Variants in OR5B12 observed in about 807,000 individuals in gnomAD.
The protein encoded by OR5B12 is olfactory receptor family 5 subfamily B member 12.
For missense variants in OR5B12, 418 were observed against 377.0 expected (o/e 1.11, Z -0.90); for synonymous variants, 154 against 138.0 (o/e 1.12, Z -0.81).
At position 58,440,152 on chromosome 11, in the gene OR5B12, TG is replaced by T. The variant is rs1407846195; in HGVS notation, c.-2del. Reference sequence around the variant, plus strand: ...CAGTCACCTCTGTGTTGTTCTCCATTGGGAATTATGTAGCTGCCCTGTAGAA... The same window carrying T: ...CAGTCACCTCTGTGTTGTTCTCCATTGGAATTATGTAGCTGCCCTGTAGAA... On this transcript the variant is annotated 5_prime_UTR_variant, in exon 2 of 2. Transcript: ENST00000641921. 6.3e-7 allele frequency: 1 copy of T among 1,582,058 alleles called. No homozygotes were observed. The highest frequency in any genetic ancestry group is 8.6e-7 in the Non-Finnish European group (1 of 1,161,120).
chr11:58,442,217 T>C lies in OR5B12; in HGVS notation c.-191A>G, dbSNP rs1424824389. ...AGGCAGGGGGAAATTGAAAGAAAAA[T>C]GCTATTGGCTTTGGAATCAGCTAGC... is the stretch of plus-strand genomic sequence containing the variant. On this transcript the variant is annotated 5_prime_UTR_variant, in exon 1 of 2. Coordinates refer to ENST00000641921, the MANE Select transcript of OR5B12 (RefSeq NM_001004733.3). 6.6e-6 allele frequency: 1 copy of C among 152,168 alleles called. No homozygotes were observed. The highest frequency in any genetic ancestry group is 1.5e-5 in the Non-Finnish European group (1 of 68,018). 9.4% of individuals were successfully genotyped at this position (152,168 alleles called of 1,614,324 possible).
At position 58,440,089 on chromosome 11, in the gene OR5B12, C is replaced by T; in HGVS notation, c.63G>A (p.Leu21=). 2.5e-6 allele frequency: 4 copies of T among 1,613,814 alleles called. No homozygotes were observed. Among genetic ancestry groups the T allele is most frequent in the Non-Finnish European group, 3.4e-6 (4 of 1,179,826 alleles). The change falls in exon 2 of 2, where the codon CTG becomes CTA. Residue 21 remains leucine (L), a synonymous_variant. Coordinates refer to ENST00000641921, the MANE Select transcript of OR5B12 (RefSeq NM_001004733.3). ...GGAAGACTATGAAGAGTGGGATCTG[C>T]AGTTCTGGGTCATCAGTTAACCCCA... ...ILVGLTDDPE[L]QIPLFIVFLF...
Position 58,439,682 on chromosome 11 carries a change from T to C in OR5B12, c.470A>G (p.His157Arg), listed in dbSNP as rs1459301589. 6.2e-7 allele frequency: 1 copy of C among 1,614,086 alleles called. No homozygotes were observed. Among genetic ancestry groups the C allele is most frequent in the South Asian group, 1.1e-5 (1 of 91,072 alleles). Residue 157 changes from histidine to arginine, a missense_variant, in exon 2 of 2, where the codon CAT becomes CGT. Coordinates refer to ENST00000641921, the MANE Select transcript of OR5B12 (RefSeq NM_001004733.3). ...GGAGAGCCTGAAAGTGTTCCCAGTA[T>C]GAATGGATGCATTCAGGAAACCACA... ...YICGFLNASI[H>R]TGNTFRLSFC...
chr11:58,439,422 T>A lies in OR5B12; in HGVS notation c.730A>T (p.Thr244Ser). Residue 244 changes from threonine to serine, a missense_variant, in exon 2 of 2, where the codon ACT (threonine) becomes TCT (serine). Coordinates refer to ENST00000641921, the MANE Select transcript of OR5B12 (RefSeq NM_001004733.3). ...GTCCCATAAAAGATGGAAACTGCAGTAAGGTGGGAAGCACAAGTAGAAAAG... is the reference window on the plus strand; with the variant it reads ...GTCCCATAAAAGATGGAAACTGCAGAAAGGTGGGAAGCACAAGTAGAAAAG... ...KAFSTCASHLTAVSIFYGTGI... is the reference protein window; with the variant it reads ...KAFSTCASHLSAVSIFYGTGI... The A allele has an allele frequency of 6.2e-7, 1 of 1,613,878 alleles. No homozygotes were observed. The highest frequency in any genetic ancestry group is 8.5e-7 in the Non-Finnish European group (1 of 1,179,950).
chr11:58,440,014 C>T lies in OR5B12; in HGVS notation c.138G>A (p.Leu46=), dbSNP rs151299011. ...TLVGNLGMIE[L]ILLDSCLHTP... is the part of the protein sequence containing the mutation. ...TGTGGAGACAGGAGTCCAGTAGAAT[C>T]AATTCAATCATCCCCAGGTTCCCAA... Residue 46 remains leucine, a synonymous_variant, in exon 2 of 2, where the codon TTG becomes TTA. Coordinates refer to ENST00000641921, the MANE Select transcript of OR5B12 (RefSeq NM_001004733.3). 1.4e-5 allele frequency: 22 copies of T among 1,614,076 alleles called. No homozygotes were observed. In the East Asian group the frequency reaches 4.9e-4, roughly 36 times the overall value.
At chr11:58,440,722 A>T (rs548580888) in intron 1 of OR5B12, among the ~76,000 whole-genome samples, 1 of 152,328 alleles carries the variant, frequency 6.6e-6, no homozygotes, top group African/African-American at 2.4e-5. Context: ...TCTGGATCTC[A>T]GTTAAATGAT....
rs747183983 is a variant in OR5B12, at chr11:58,439,802, G to A, written c.350C>T (p.Ala117Val). The A allele has an allele frequency of 6.2e-7, 1 of 1,614,026 alleles. No homozygotes were observed. Among genetic ancestry groups the A allele is most frequent in the African/African-American group, 1.3e-5 (1 of 74,914 alleles). The change falls in exon 2 of 2, where the codon GCC becomes GTC. Residue 117 changes from alanine (A) to valine (V), a missense_variant. Ala to Val is a moderately conservative substitution (Grantham distance 64, BLOSUM62 0). Transcript: ENST00000641921. ...ACACAATGCTGCATAGCGGTCATAG[G>A]CCATTGATGCCAGGAGGAAACTTTC... ...TAESFLLASM[A>V]YDRYAALCKP...
In OR5B12 at chr11:58,439,395, C is replaced by T. The variant is rs1855470888; in HGVS notation, c.757G>A (p.Gly253Arg). 1.2e-6 allele frequency: 2 copies of T among 1,614,028 alleles called. No individual in the cohort carries two copies. The highest frequency in any genetic ancestry group is 1.7e-6 in the Non-Finnish European group (2 of 1,179,998). The change falls in exon 2 of 2, where the codon GGA becomes AGA. Residue 253 changes from glycine to arginine, a missense_variant. Transcript: ENST00000641921. ...TTAGGTCGTAAGTACATAAAGATTC[C>T]TGTCCCATAAAAGATGGAAACTGCA... is the stretch of plus-strand genomic sequence containing the variant. ...LTAVSIFYGTGIFMYLRPNSS... is the reference protein window; with the variant it reads ...LTAVSIFYGTRIFMYLRPNSS...
rs1855466999 is a variant in OR5B12 at position 58,439,120 on chromosome 11, T to C, written c.*87A>G. On this transcript the variant is annotated 3_prime_UTR_variant, in exon 2 of 2. Coordinates refer to ENST00000641921, the MANE Select transcript of OR5B12 (RefSeq NM_001004733.3). ...GTTTAAGAAAACAGTCAATAGAAAC[T>C]GTCCATGAGGAAGCCCAAATATTGG... is the stretch of plus-strand genomic sequence containing the variant. 1 of 615,664 alleles carries C rather than the reference T, an allele frequency of 1.6e-6. No homozygotes were observed. The allele number at this position is 615,664 out of a possible 1,614,324, so 38.1% of individuals were successfully genotyped here.
Position 58,439,743 on chromosome 11 carries a change from T to C in OR5B12, c.409A>G (p.Asn137Asp), listed in dbSNP as rs762874817. The C allele has an allele frequency of 3.7e-6, 6 of 1,614,126 alleles. No individual in the cohort carries two copies. Among genetic ancestry groups the C allele is most frequent in the Non-Finnish European group, 5.1e-6 (6 of 1,180,006 alleles). Residue 137 changes from asparagine (N) to aspartate (D), a missense_variant, in exon 2 of 2, where the codon AAT (asparagine) becomes GAT (aspartate). Asn to Asp is a conservative substitution (Grantham distance 23). Coordinates refer to ENST00000641921, the MANE Select transcript of OR5B12 (RefSeq NM_001004733.3). ...CCTATGGCCAGGCAAGCACATACAT[T>C]TGTTGTCATGGTGGTGGTGTAATGC... The part of the protein sequence containing the change: ...PLHYTTTMTT[N>D]VCACLAIGSY...
chr11:58,441,917 G>T (rs1017202661), intron 1 of OR5B12, 129 bp downstream of exon 1: 5 of 152,054 alleles, frequency 3.3e-5, no homozygotes, highest in Non-Finnish European at 7.4e-5. Context: ...ACAGATAAAA[G>T]AAATAGTCAA....
chr11:58,440,218 T>TTATGATAA, intron 1 of OR5B12, 48 bp from the exon 2 acceptor site: 1 of 1,144,126 alleles, frequency 8.7e-7, no homozygotes, highest in Non-Finnish European at 1.3e-6. Flanking sequence ...GAGGGAGGAC[T>TTATGATAA]ACTGAGATCA....
Position 58,439,146 on chromosome 11 carries a change from G to T in OR5B12, c.*61C>A. 1.1e-6 allele frequency: 1 copy of T among 928,624 alleles called. No individual in the cohort carries two copies. Among genetic ancestry groups the T allele is most frequent in the Non-Finnish European group, 1.6e-6 (1 of 622,666 alleles). 57.5% of individuals were successfully genotyped at this position (928,624 alleles called of 1,614,324 possible). A position where few individuals can be genotyped will look rare whatever the true frequency, so the allele number is the denominator to read the frequency against. On this transcript the variant is annotated 3_prime_UTR_variant, in exon 2 of 2. Coordinates refer to ENST00000641921, the MANE Select transcript of OR5B12 (RefSeq NM_001004733.3). ...GTCCATGAGGAAGCCCAAATATTGG[G>T]CTTGGTAGACAAAGATTAATATGAG...
chr11:58,440,157 A>T lies in OR5B12; in HGVS notation c.-6T>A. On this transcript the variant is annotated 5_prime_UTR_variant, in exon 2 of 2. Transcript: ENST00000641921. ...ACCTCTGTGTTGTTCTCCATTGGGA[A>T]TTATGTAGCTGCCCTGTAGAAATGA... The T allele has an allele frequency of 6.4e-7, 1 of 1,565,266 alleles. No individual in the cohort carries two copies. The highest frequency in any genetic ancestry group is 8.7e-7 in the Non-Finnish European group (1 of 1,147,558).
Position 58,439,420 on chromosome 11 carries a change from A to G in OR5B12, c.732T>C (p.Thr244=), listed in dbSNP as rs1327104691. ...KAFSTCASHL[T]AVSIFYGTGI... ...CTGTCCCATAAAAGATGGAAACTGCAGTAAGGTGGGAAGCACAAGTAGAAA... is the reference window on the plus strand; with the variant it reads ...CTGTCCCATAAAAGATGGAAACTGCGGTAAGGTGGGAAGCACAAGTAGAAA... The change falls in exon 2 of 2, where the codon ACT becomes ACC. Residue 244 remains threonine (T), a synonymous_variant. Transcript: ENST00000641921. The G allele has an allele frequency of 6.2e-7, 1 of 1,614,098 alleles. No homozygotes were observed.
chr11:58,440,782 T>A (rs115945074), intron 1 of OR5B12, among the ~76,000 whole-genome samples: 1 of 152,190 alleles, frequency 6.6e-6, no homozygotes, highest in East Asian at 1.9e-4. Flanking sequence ...CTTAAAAAAA[T>A]CTTCAAAAAG....
chr11:58,439,007 A>T lies in OR5B12; in HGVS notation c.*200T>A. 1 of 368,826 alleles carries T rather than the reference A, an allele frequency of 2.7e-6. No homozygotes were observed. Among genetic ancestry groups the T allele is most frequent in the Non-Finnish European group, 4.8e-6 (1 of 206,802 alleles). The allele number at this position is 368,826 out of a possible 1,614,324, so 22.8% of individuals were successfully genotyped here. A position where few individuals can be genotyped will look rare whatever the true frequency, so the allele number is the denominator to read the frequency against. On this transcript the variant is annotated 3_prime_UTR_variant, in exon 2 of 2. Transcript: ENST00000641921. Reference sequence around the variant, plus strand: ...GGAGGAGAGATCTGATTTTTAGAATATGCTATTTTTTATTATTTAAAATGT... The same window carrying T: ...GGAGGAGAGATCTGATTTTTAGAATTTGCTATTTTTTATTATTTAAAATGT...
rs768645236 is a variant in OR5B12 at position 58,439,794 on chromosome 11, G to A, written c.358C>T (p.Arg120Cys). ...AGGGGTTTACACAATGCTGCATAGC[G>A]GTCATAGGCCATTGATGCCAGGAGG... ...SFLLASMAYD[R>C]YAALCKPLHY... The change falls in exon 2 of 2, where the codon CGC becomes TGC. Residue 120 changes from arginine to cysteine, a missense_variant. Physicochemically the swap from Arg to Cys is radical, Grantham distance 180. Coordinates refer to ENST00000641921, the MANE Select transcript of OR5B12 (RefSeq NM_001004733.3). 3.7e-5 allele frequency: 59 copies of A among 1,614,010 alleles called. No individual in the cohort carries two copies. The highest frequency in any genetic ancestry group is 4.0e-5 in the Non-Finnish European group (47 of 1,180,012).
intron 1 of OR5B12, among the ~76,000 whole-genome samples, chr11:58,440,805 A>G (rs1855492232): frequency 6.6e-6 from 1 of 152,228 alleles, no homozygotes; most frequent in Non-Finnish European, 1.5e-5. Context: ...AAAAAGGAAC[A>G]TGACTCTTCA....
Sources: gnomAD v4.1 joint callset for allele counts (sites outside exome capture counted in the v4.1 genomes callset) on GRCh38, gnomAD v4.1.1 for gene constraint, MANE v1.5 for transcripts, NCBI Gene and HGNC (gene_info 2026-07-23, HGNC 2026-07-21) for gene names.